Variants in CCDC192 observed in about 807,000 individuals in gnomAD.
CCDC192 encodes coiled-coil domain-containing protein 192.
intron 2 of CCDC192, among the ~76,000 whole-genome samples, chr5:127,741,217 C>T (rs1395544382): frequency 6.6e-6 from 1 of 152,034 alleles, no homozygotes; most frequent in East Asian, 1.9e-4. Context: ...CACACCACCA[C>T]CACCTGCTAA....
chr5:127,937,921 TGAG>T (rs1448066327), intron 6 of CCDC192, among the ~76,000 whole-genome samples: 1 of 152,138 alleles, frequency 6.6e-6, no homozygotes, highest in East Asian at 1.9e-4. Flanking sequence ...GAGGAAAAAC[TGAG>T]GAGAGAAAAG....
At chr5:127,820,347 C>G (rs561670464) in intron 5 of CCDC192, among the ~76,000 whole-genome samples, 1 of 152,128 alleles carries the variant, frequency 6.6e-6, no homozygotes, top group Non-Finnish European at 1.5e-5. Context: ...TTTGGGAGGC[C>G]GAGGCGGGTG....
At chr5:127,844,082 G>A (rs1750421136) in intron 5 of CCDC192, among the ~76,000 whole-genome samples, 1 of 152,178 alleles carries the variant, frequency 6.6e-6, no homozygotes, top group African/African-American at 2.4e-5. Flanking sequence ...CTTTTCAAGA[G>A]TCTGCCAGTG....
At chr5:127,736,580 G>T (rs1419717548) in intron 2 of CCDC192, among the ~76,000 whole-genome samples, 3 of 151,928 alleles carry the variant, frequency 2.0e-5, no homozygotes, top group East Asian at 3.8e-4. Context: ...TGGTTGGTAA[G>T]CTATTGATCA....
chr5:127,816,902 A>T (rs1238729217), intron 5 of CCDC192, among the ~76,000 whole-genome samples: 1 of 152,226 alleles, frequency 6.6e-6, no homozygotes, highest in South Asian at 2.1e-4. Context: ...AATCAAGGCA[A>T]GTTCAACTGT....
chr5:127,796,547 A>G (rs1010326725), intron 3 of CCDC192, among the ~76,000 whole-genome samples: 1 of 152,218 alleles, frequency 6.6e-6, no homozygotes, highest in African/African-American at 2.4e-5. Flanking sequence ...AAACAAAAAC[A>G]AAGTCATTGC....
chr5:127,871,583 C>A (rs1751861551), intron 5 of CCDC192, among the ~76,000 whole-genome samples: 1 of 152,142 alleles, frequency 6.6e-6, no homozygotes. Flanking sequence ...CCACAGTAGT[C>A]CTATGACATG....
At chr5:127,773,867 A>G (rs182431459) in intron 3 of CCDC192, among the ~76,000 whole-genome samples, 68 of 152,318 alleles carry the variant, frequency 4.5e-4, no homozygotes, top group African/African-American at 1.6e-3. Context: ...GTAACATATT[A>G]CATTCTTACC....
At chr5:127,740,600 T>G (rs1436957725) in intron 2 of CCDC192, among the ~76,000 whole-genome samples, 1 of 152,144 alleles carries the variant, frequency 6.6e-6, no homozygotes, top group Admixed American at 6.5e-5. Context: ...TGTAATTAAT[T>G]TTTTAAATTT....
chr5:127,720,572 C>T (rs1751959672), intron 2 of CCDC192, among the ~76,000 whole-genome samples: 1 of 152,236 alleles, frequency 6.6e-6, no homozygotes, highest in Non-Finnish European at 1.5e-5. Context: ...CAAACAGCTC[C>T]ACTAGGCAGT....
intron 3 of CCDC192, among the ~76,000 whole-genome samples, chr5:127,768,898 T>C (rs922932688): frequency 2.0e-5 from 3 of 152,228 alleles, no homozygotes; most frequent in Non-Finnish European, 4.4e-5. Flanking sequence ...CTTGCCAATG[T>C]TATTTACTGC....
At chr5:127,812,917 G>C (rs186409782) in intron 5 of CCDC192, among the ~76,000 whole-genome samples, 1 of 152,288 alleles carries the variant, frequency 6.6e-6, no homozygotes, top group East Asian at 1.9e-4. Context: ...GCTTCCTGGA[G>C]AATGCCCTCC....
At chr5:127,852,860 C>G (rs1285562845) in intron 5 of CCDC192, among the ~76,000 whole-genome samples, 1 of 151,974 alleles carries the variant, frequency 6.6e-6, no homozygotes, top group African/African-American at 2.4e-5. Flanking sequence ...TCTGGGAGGC[C>G]GAGGCGGGCA....
At chr5:127,798,018 A>G in intron 4 of CCDC192, 88 bp from the exon 5 acceptor site, 1 of 395,642 alleles carries the variant, frequency 2.5e-6, no homozygotes, top group Non-Finnish European at 4.5e-6. Flanking sequence ...ACGAGATTTG[A>G]AAACTGATAC....
chr5:127,865,757 T>C (rs1751581711), intron 5 of CCDC192, among the ~76,000 whole-genome samples: 1 of 151,620 alleles, frequency 6.6e-6, no homozygotes, highest in Non-Finnish European at 1.5e-5. Flanking sequence ...AAAGTGACCT[T>C]GTCTTGTAGC....
intron 5 of CCDC192, among the ~76,000 whole-genome samples, chr5:127,859,593 G>T (rs1403213898): frequency 6.6e-6 from 1 of 151,948 alleles, no homozygotes; most frequent in African/African-American, 2.4e-5. Flanking sequence ...TTAAATCTGG[G>T]GAACTGTGCC....
chr5:127,868,207 A>G (rs1360278979), intron 5 of CCDC192, among the ~76,000 whole-genome samples: 2 of 152,008 alleles, frequency 1.3e-5, no homozygotes, highest in Non-Finnish European at 2.9e-5. Context: ...CCTTACACTT[A>G]AAAAATCTTA....
intron 5 of CCDC192, among the ~76,000 whole-genome samples, chr5:127,868,785 C>CAA (rs879860922): frequency 7.1e-6 from 1 of 140,436 alleles, no homozygotes; most frequent in Non-Finnish European, 1.6e-5. Flanking sequence ...GAGACTCTGT[C>CAA]AAAAAAAAAA....
At chr5:127,784,701 C>T (rs976088700) in intron 3 of CCDC192, 5 of 639,520 alleles carry the variant, frequency 7.8e-6, no homozygotes, top group Non-Finnish European at 1.4e-5. Context: ...ATTTCTTGAT[C>T]AGGGACCCGG....
Sources: allele counts gnomAD v4.1 joint callset (sites outside exome capture counted in the v4.1 genomes callset), GRCh38; gene constraint gnomAD v4.1.1; transcripts MANE v1.5; gene names NCBI Gene and HGNC (gene_info 2026-07-23, HGNC 2026-07-21).